Variants in VGLL3 observed in about 807,000 individuals in gnomAD.
The protein encoded by VGLL3 is vestigial like family member 3.
A neutral mutation model predicts 29.2 loss-of-function variants in VGLL3; 18 were observed. The ratio of observed to expected loss-of-function variants is 0.62; its 90% CI spans 0.43 to 0.91. VGLL3 has a LOEUF of 0.91. Ranked by LOEUF, VGLL3 falls within the 40% of genes least tolerant of loss-of-function variation. The pLI is 0.00. For synonymous variants in VGLL3, 180 were observed against 151.8 expected (o/e 1.19, Z -1.36); for missense variants, 440 against 413.2 (o/e 1.06, Z -0.56).
At chr3:86,971,554 CTT>C (rs1705100700) in intron 2 of VGLL3, among the ~76,000 whole-genome samples, 1 of 152,310 alleles carries the variant, frequency 6.6e-6, no homozygotes, top group East Asian at 1.9e-4. Context: ...AATTGAATGA[CTT>C]TGTTAAAATC....
rs888822695 is a variant in VGLL3, at chr3:86,963,293, G to A, written c.937+5297C>T. Among the ~76,000 whole-genome samples the A allele has an allele frequency of 3.9e-5, 6 of 152,158 alleles. 1 individual carries two copies. In the South Asian group the frequency reaches 8.3e-4, roughly 21 times the overall value. ...GACTTTATGATAGATGCTACAACAC[G>A]CATGAAACTTGAAAACATTACACAA... On this transcript the variant is annotated intron_variant, in intron 3 of 3. Coordinates refer to ENST00000398399, the MANE Select transcript of VGLL3 (RefSeq NM_016206.4).
At chr3:86,959,117 G>A (rs1164914097) in intron 3 of VGLL3, among the ~76,000 whole-genome samples, 3 of 151,998 alleles carry the variant, frequency 2.0e-5, no homozygotes, top group Admixed American at 6.6e-5. Flanking sequence ...AACTATCCTA[G>A]CTGAGATAAT....
At chr3:86,950,286 T>G (rs898929344) in intron 3 of VGLL3, among the ~76,000 whole-genome samples, 10 of 152,332 alleles carry the variant, frequency 6.6e-5, no homozygotes, top group African/African-American at 2.4e-4. Flanking sequence ...AACATTTTCT[T>G]AGGGCCTTAA....
At chr3:86,959,888 G>C (rs1704802405) in intron 3 of VGLL3, among the ~76,000 whole-genome samples, 1 of 152,124 alleles carries the variant, frequency 6.6e-6, no homozygotes, top group South Asian at 2.1e-4. Flanking sequence ...CATAGGTCTT[G>C]AGATGTGAGT....
At chr3:86,977,958 G>T (rs1705243685) in intron 2 of VGLL3, among the ~76,000 whole-genome samples, 1 of 152,198 alleles carries the variant, frequency 6.6e-6, no homozygotes, top group African/African-American at 2.4e-5. Context: ...AGTCCAATGT[G>T]CTGCTCTTTC....
At chr3:86,950,061 A>C (rs1403277272) in intron 3 of VGLL3, among the ~76,000 whole-genome samples, 1 of 152,152 alleles carries the variant, frequency 6.6e-6, no homozygotes. Context: ...ACTCTGCTAC[A>C]GGTTCTGCTC....
chr3:86,965,328 T>G (rs1019992905), intron 3 of VGLL3, among the ~76,000 whole-genome samples: 1 of 152,198 alleles, frequency 6.6e-6, no homozygotes, highest in East Asian at 1.9e-4. Flanking sequence ...GTTCTTCTCT[T>G]GGCTGCTCAG....
Position 86,964,043 on chromosome 3 carries a change from T to C in VGLL3, c.937+4547A>G, listed in dbSNP as rs145425910. ...CCCACAGGCCAAATTCAGCATCACCTGTTTATGTATACCCATGAATTAAGA... is the reference window on the plus strand; with the variant it reads ...CCCACAGGCCAAATTCAGCATCACCCGTTTATGTATACCCATGAATTAAGA... On this transcript the variant is annotated intron_variant, in intron 3 of 3. Coordinates refer to ENST00000398399, the MANE Select transcript of VGLL3 (RefSeq NM_016206.4). 4.1e-3 allele frequency among the ~76,000 whole-genome samples: 624 copies of C among 152,334 alleles called. 5 individuals carry two copies. Among genetic ancestry groups the C allele is most frequent in the African/African-American group, 0.014 (592 of 41,574 alleles).
intron 2 of VGLL3, among the ~76,000 whole-genome samples, chr3:86,973,484 A>T (rs1262719566): frequency 6.6e-6 from 1 of 152,178 alleles, no homozygotes; most frequent in Non-Finnish European, 1.5e-5. Context: ...GTTTTCTGTC[A>T]TTCAGTAATT....
At chr3:86,969,409 G>A (rs943839305) in intron 2 of VGLL3, among the ~76,000 whole-genome samples, 1 of 152,152 alleles carries the variant, frequency 6.6e-6, no homozygotes. Context: ...TTTGGGGATT[G>A]AAAAATTTCA....
intron 3 of VGLL3, 136 bp from the exon 4 acceptor site, chr3:86,947,203 T>C: frequency 1.6e-6 from 1 of 629,500 alleles, no homozygotes. Flanking sequence ...CCTGAAGACA[T>C]CATGATCTCT....
chr3:86,943,619 TA>T lies in VGLL3; in HGVS notation c.*3404del. The T allele has an allele frequency of 6.6e-6, 1 of 152,068 alleles. No individual in the cohort carries two copies. The highest frequency in any genetic ancestry group is 1.9e-4 in the East Asian group (1 of 5,166). The allele number at this position is 152,068 out of a possible 1,614,324, so 9.4% of individuals were successfully genotyped here. ...TCTTAGCCATTTTTGCTTAACAAAA[TA>T]ATATAAATACTCTTAAGAAGAAAGA... On this transcript the variant is annotated 3_prime_UTR_variant, in exon 4 of 4. Transcript: ENST00000398399.
At chr3:86,965,183 C>T (rs1704933378) in intron 3 of VGLL3, among the ~76,000 whole-genome samples, 1 of 151,488 alleles carries the variant, frequency 6.6e-6, no homozygotes, top group Admixed American at 6.6e-5. Flanking sequence ...GGAAAGAAAG[C>T]AAATTTCATG....
At chr3:86,976,235 C>T (rs1705206865) in intron 2 of VGLL3, among the ~76,000 whole-genome samples, 1 of 152,250 alleles carries the variant, frequency 6.6e-6, no homozygotes, top group Admixed American at 6.5e-5. Context: ...AGGGCCTTTG[C>T]ACTATCTGTC....
In VGLL3 at chr3:86,949,627, C is replaced by A. The variant is rs527734341; in HGVS notation, c.938-2560G>T. Among the ~76,000 whole-genome samples, 235 of 151,736 alleles carry A rather than the reference C, an allele frequency of 1.5e-3. 1 individual carries two copies. Among genetic ancestry groups the A allele is most frequent in the Non-Finnish European group, 6.5e-4 (44 of 67,902 alleles). ...GGATCACGAGGTCAGGAGATCGAGA[C>A]CATCCTGGCTAACACGGTGAAACCC... On this transcript the variant is annotated intron_variant, in intron 3 of 3. Coordinates refer to ENST00000398399, the MANE Select transcript of VGLL3 (RefSeq NM_016206.4).
At chr3:86,958,679 C>A (rs1394538753) in intron 3 of VGLL3, among the ~76,000 whole-genome samples, 1 of 152,178 alleles carries the variant, frequency 6.6e-6, no homozygotes, top group East Asian at 1.9e-4. Flanking sequence ...CAGCAATGCT[C>A]TGGAATGCAT....
At position 86,938,268 on chromosome 3, in the gene VGLL3, A is replaced by G. The variant is rs1704318471; in HGVS notation, c.*8756T>C. ...AATTAATACAACCATAACTAGAAGT[A>G]TTTTTTGTAAGAAAAATGATAACAC... On this transcript the variant is annotated 3_prime_UTR_variant, in exon 4 of 4. Coordinates refer to ENST00000398399, the MANE Select transcript of VGLL3 (RefSeq NM_016206.4). 1 of 152,244 alleles carries G rather than the reference A, an allele frequency of 6.6e-6. No homozygotes were observed. The highest frequency in any genetic ancestry group is 2.1e-4 in the South Asian group (1 of 4,836). The allele number at this position is 152,244 out of a possible 1,614,324, so 9.4% of individuals were successfully genotyped here. A position where few individuals can be genotyped will look rare whatever the true frequency, so the allele number is the denominator to read the frequency against.
At position 86,943,908 on chromosome 3, in the gene VGLL3, A is replaced by T. The variant is rs1704450259; in HGVS notation, c.*3116T>A. The T allele has an allele frequency of 6.6e-6, 1 of 152,140 alleles. No individual in the cohort carries two copies. Among genetic ancestry groups the T allele is most frequent in the Non-Finnish European group, 1.5e-5 (1 of 68,026 alleles). The allele number at this position is 152,140 out of a possible 1,614,324, so 9.4% of individuals were successfully genotyped here. A position where few individuals can be genotyped will look rare whatever the true frequency, so the allele number is the denominator to read the frequency against. ...ATTTAGAAAGCTTGAATAAAATCTG[A>T]TTTGTAAAATCAGACAAAAGTCACC... On this transcript the variant is annotated 3_prime_UTR_variant, in exon 4 of 4. Coordinates refer to ENST00000398399, the MANE Select transcript of VGLL3 (RefSeq NM_016206.4).
At chr3:86,985,748 A>G (rs1223216181) in intron 1 of VGLL3, among the ~76,000 whole-genome samples, 1 of 151,998 alleles carries the variant, frequency 6.6e-6, no homozygotes, top group East Asian at 1.9e-4. Context: ...CTCAAATTCA[A>G]CTCTTAGAGA....
Sources: gnomAD v4.1 joint callset for allele counts (sites outside exome capture counted in the v4.1 genomes callset) on GRCh38, gnomAD v4.1.1 for gene constraint, MANE v1.5 for transcripts, NCBI Gene and HGNC (gene_info 2026-07-23, HGNC 2026-07-21) for gene names.